CAMK1D: variants seen among roughly 807,000 people sequenced by gnomAD.
CAMK1D encodes the protein calcium/calmodulin-dependent protein kinase type 1D.
CAMK1D carries 9 observed loss-of-function variants against 47.7 expected under a neutral mutation model. The observed-to-expected ratio is 0.19, with a 90% CI of 0.11 to 0.33. CAMK1D has a LOEUF of 0.33. Among genes scored for constraint, CAMK1D ranks in the 10% least tolerant of loss-of-function variants. The pLI is 1.00. For missense variants in CAMK1D, 291 were observed against 488.7 expected (o/e 0.60, Z 3.81); for synonymous variants, 184 against 184.9 (o/e 0.99, Z 0.04).
chr10:12,357,882 CT>C (rs200446395), intron 1 of CAMK1D, among the ~76,000 whole-genome samples: 1 of 151,044 alleles, frequency 6.6e-6, no homozygotes, highest in Non-Finnish European at 1.5e-5. Flanking sequence ...CTTTTCTTTT[CT>C]TTTTTTTTGG....
At position 12,614,858 on chromosome 10, in the gene CAMK1D, A is replaced by C. The variant is rs543752909; in HGVS notation, c.225-51878A>C. ...TCTTTGAGTACCAGCCATACCAGCT[A>C]TTGTGTTAGAAACTGCCGACATGGA... On this transcript the variant is annotated intron_variant, in intron 2 of 10. Transcript: ENST00000619168. Among the ~76,000 whole-genome samples, 12 of 152,246 alleles carry C rather than the reference A, an allele frequency of 7.9e-5. No individual in the cohort carries two copies. The South Asian group carries it at 2.3e-3, about 29-fold the overall frequency.
chr10:12,789,135 G>A (rs1837866196), intron 5 of CAMK1D, among the ~76,000 whole-genome samples: 1 of 152,190 alleles, frequency 6.6e-6, no homozygotes, highest in Non-Finnish European at 1.5e-5. Context: ...TTCCAAGTGT[G>A]TCCAACCCCC....
intron 1 of CAMK1D, among the ~76,000 whole-genome samples, chr10:12,374,973 TTGTGGAGATGGGGGTCTCACTA>T (rs985058795): frequency 4.0e-5 from 6 of 151,670 alleles, no homozygotes; most frequent in Non-Finnish European, 5.9e-5. Flanking sequence ...AGAAATATTT[TTGTGGAGATGGGGGTCTCACTA>T]TGTGTTGCCC....
At chr10:12,371,341 C>T (rs979825999) in intron 1 of CAMK1D, among the ~76,000 whole-genome samples, 17 of 151,914 alleles carry the variant, frequency 1.1e-4, no homozygotes, top group African/African-American at 3.6e-4. Context: ...CTTTGGGAGG[C>T]CAAGGTGGGT....
intron 10 of CAMK1D, among the ~76,000 whole-genome samples, chr10:12,827,291 C>CTCTT (rs1833252238): frequency 8.5e-6 from 1 of 117,022 alleles, no homozygotes; most frequent in African/African-American, 3.2e-5. Context: ...CTTTTTCTTT[C>CTCTT]TTTCTTTCTC....
chr10:12,523,469 G>T (rs1203842214), intron 1 of CAMK1D, among the ~76,000 whole-genome samples: 2 of 152,058 alleles, frequency 1.3e-5, no homozygotes, highest in African/African-American at 4.8e-5. Context: ...AGCACTGAGT[G>T]AATGAGACTC....
intron 3 of CAMK1D, among the ~76,000 whole-genome samples, chr10:12,720,142 G>A (rs930994492): frequency 6.6e-6 from 1 of 152,194 alleles, no homozygotes; most frequent in Non-Finnish European, 1.5e-5. Context: ...CTGGAAGGAG[G>A]GATGCCTTTG....
chr10:12,591,486 C>T (rs1243320299), intron 2 of CAMK1D, among the ~76,000 whole-genome samples: 1 of 152,212 alleles, frequency 6.6e-6, no homozygotes, highest in East Asian at 1.9e-4. Flanking sequence ...TCTCTGCCTG[C>T]CTTTGAGTTT....
chr10:12,694,533 T>C (rs1465829859), intron 3 of CAMK1D, among the ~76,000 whole-genome samples: 1 of 130,364 alleles, frequency 7.7e-6, no homozygotes, highest in Admixed American at 8.8e-5. Flanking sequence ...TGATATATAT[T>C]ATGTATAAAA....
rs559744911 is a variant in CAMK1D at position 12,448,629 on chromosome 10, G to A, written c.92+98719G>A. Among the ~76,000 whole-genome samples the A allele has an allele frequency of 7.2e-5, 11 of 152,282 alleles. No individual in the cohort carries two copies. The East Asian group carries it at 1.7e-3, about 24-fold the overall frequency. ...CAGTACTTGAGTGATTTGAATTTTT[G>A]TTGAGAAAAACAAAGTGAAAAACAT... On this transcript the variant is annotated intron_variant, in intron 1 of 10. Transcript: ENST00000619168.
intron 1 of CAMK1D, among the ~76,000 whole-genome samples, chr10:12,422,485 T>C (rs1187513427): frequency 2.0e-5 from 3 of 152,116 alleles, no homozygotes; most frequent in African/African-American, 7.2e-5. Context: ...GGGGATGCGA[T>C]GCCTGGATAC....
intron 2 of CAMK1D, among the ~76,000 whole-genome samples, chr10:12,585,311 G>A (rs1002685038): frequency 3.3e-5 from 5 of 152,166 alleles, no homozygotes; most frequent in East Asian, 3.9e-4. Flanking sequence ...CAGTGATGCC[G>A]GGCCTACTGG....
chr10:12,669,530 CT>C (rs1840543076), intron 3 of CAMK1D, among the ~76,000 whole-genome samples: 1 of 152,098 alleles, frequency 6.6e-6, no homozygotes, highest in Non-Finnish European at 1.5e-5. Context: ...TACCAATCAA[CT>C]TTATTGGGGT....
At chr10:12,450,974 T>A (rs1313955812) in intron 1 of CAMK1D, among the ~76,000 whole-genome samples, 1 of 152,096 alleles carries the variant, frequency 6.6e-6, no homozygotes, top group Admixed American at 6.5e-5. Flanking sequence ...GAGAACCAGC[T>A]TTGAAGACCT....
chr10:12,491,243 G>T (rs147982544), intron 1 of CAMK1D, among the ~76,000 whole-genome samples: 2 of 152,126 alleles, frequency 1.3e-5, no homozygotes, highest in African/African-American at 4.8e-5. Flanking sequence ...GGAACATTTG[G>T]CTGTGCTGTT....
chr10:12,386,425 A>G (rs1314560925), intron 1 of CAMK1D, among the ~76,000 whole-genome samples: 1 of 151,948 alleles, frequency 6.6e-6, no homozygotes, highest in Non-Finnish European at 1.5e-5. Flanking sequence ...CTGGGCCACA[A>G]ACTGACAAAC....
chr10:12,523,563 C>A (rs12770014), intron 1 of CAMK1D, among the ~76,000 whole-genome samples: 2 of 150,814 alleles, frequency 1.3e-5, no homozygotes, highest in Admixed American at 1.3e-4. Flanking sequence ...GCCAACACAG[C>A]GAAACCCCGT....
At chr10:12,577,220 C>T (rs138001714) in intron 2 of CAMK1D, among the ~76,000 whole-genome samples, 195 of 152,280 alleles carry the variant, frequency 1.3e-3, no homozygotes, top group Non-Finnish European at 2.1e-3. Context: ...GGACACACAG[C>T]GAAAATTCCT....
chr10:12,508,412 G>A (rs1289331515), intron 1 of CAMK1D, among the ~76,000 whole-genome samples: 1 of 152,200 alleles, frequency 6.6e-6, no homozygotes, highest in East Asian at 1.9e-4. Flanking sequence ...AAGGACAAAT[G>A]TCCTATGATT....
Sources: gnomAD v4.1 joint callset for allele counts (sites outside exome capture counted in the v4.1 genomes callset) on GRCh38, gnomAD v4.1.1 for gene constraint, MANE v1.5 for transcripts, NCBI Gene and HGNC (gene_info 2026-07-23, HGNC 2026-07-21) for gene names.